YAF2: variants seen among roughly 807,000 people sequenced by gnomAD.
The protein encoded by YAF2 is YY1-associated factor 2.
Under a neutral mutation model 20.1 loss-of-function variants are expected in YAF2, and 7 were observed. The observed-to-expected ratio is 0.35, with a 90% CI of 0.20 to 0.65. The LOEUF (loss-of-function observed/expected upper bound fraction) is 0.65, where lower values mean the gene tolerates loss of function less well. Ranked by LOEUF, YAF2 falls within the 30% of genes least tolerant of loss-of-function variation. YAF2 has a pLI of 0.69. For missense variants in YAF2, 151 were observed against 219.2 expected, an observed-to-expected ratio of 0.69 and a Z score of 1.96; for synonymous variants, 74 against 76.0, an observed-to-expected ratio of 0.97 and a Z score of 0.14.
At chr12:42,164,642 A>G (rs1038919775) in intron 2 of YAF2, among the ~76,000 whole-genome samples, 5 of 152,130 alleles carry the variant, frequency 3.3e-5, no homozygotes, top group African/African-American at 9.7e-5. Flanking sequence ...ACCAAAATAT[A>G]TGGTAAATTG....
intron 2 of YAF2, among the ~76,000 whole-genome samples, chr12:42,181,382 CA>C (rs1341861350): frequency 6.6e-6 from 1 of 152,192 alleles, no homozygotes; most frequent in Admixed American, 6.5e-5. Context: ...GAGTCATAGT[CA>C]GGCAGTAGTA....
At position 42,177,594 on chromosome 12, in the gene YAF2, C is replaced by T. The variant is rs1234279654; in HGVS notation, c.153-15829G>A. 1.1e-4 allele frequency among the ~76,000 whole-genome samples: 16 copies of T among 152,162 alleles called. 1 individual carries two copies. The highest frequency in any genetic ancestry group is 1.0e-3 in the Admixed American group (16 of 15,264). On this transcript the variant is annotated intron_variant, in intron 2 of 3. Coordinates refer to ENST00000534854, the MANE Select transcript of YAF2 (RefSeq NM_005748.6). ...CTCCTACCAGCCTTATCTCCAAATA[C>T]AGTCACATAGGGGGTGAGGGCTTCA...
At chr12:42,183,813 G>T (rs1266399434) in intron 2 of YAF2, among the ~76,000 whole-genome samples, 1 of 152,198 alleles carries the variant, frequency 6.6e-6, no homozygotes, top group East Asian at 1.9e-4. Context: ...GAAAGAAGAT[G>T]CCATCTAGGA....
At chr12:42,218,185 A>AAACACACACAC (rs1555162626) in intron 2 of YAF2, among the ~76,000 whole-genome samples, 49 of 140,690 alleles carry the variant, frequency 3.5e-4, no homozygotes, top group South Asian at 3.3e-3. Flanking sequence ...GCTACTAGGA[A>AAACACACACAC]ACACACACAC....
At position 42,160,424 on chromosome 12, in the gene YAF2, A is replaced by C; in HGVS notation, c.*165T>G. On this transcript the variant is annotated 3_prime_UTR_variant, in exon 4 of 4. Coordinates refer to ENST00000534854, the MANE Select transcript of YAF2 (RefSeq NM_005748.6). ...AGTCTGGAAATGTTTGGTAGGCATC[A>C]TTGCAATAAAATCTAACAAATTCTA... 1.6e-6 allele frequency: 1 copy of C among 609,546 alleles called. No individual in the cohort carries two copies. Among genetic ancestry groups the C allele is most frequent in the Non-Finnish European group, 2.8e-6 (1 of 354,196 alleles). 37.8% of individuals were successfully genotyped at this position (609,546 alleles called of 1,614,324 possible). A position where few individuals can be genotyped will look rare whatever the true frequency, so the allele number is the denominator to read the frequency against.
chr12:42,226,875 G>A (rs1227341384), intron 2 of YAF2, among the ~76,000 whole-genome samples: 3 of 150,450 alleles, frequency 2.0e-5, no homozygotes, highest in African/African-American at 7.3e-5. Context: ...GGCCCCAGAA[G>A]GCTCGAAGGC....
rs138318045 is a variant in YAF2, at chr12:42,194,874, T to C, written c.153-33109A>G. The stretch of plus-strand genomic sequence containing the variant: ...TTGAGATGTCTAGAAGACACACAAA[T>C]GAAGCTGTGTAACTCTCTAATAGTT... On this transcript the variant is annotated intron_variant, in intron 2 of 3. Transcript: ENST00000534854. Among the ~76,000 whole-genome samples the C allele has an allele frequency of 6.2e-3, 949 of 152,288 alleles. 7 individuals carry two copies. The highest frequency in any genetic ancestry group is 0.022 in the African/African-American group (895 of 41,548).
chr12:42,173,881 C>T lies in YAF2; in HGVS notation c.153-12116G>A, dbSNP rs993010079. On this transcript the variant is annotated intron_variant, in intron 2 of 3. Coordinates refer to ENST00000534854, the MANE Select transcript of YAF2 (RefSeq NM_005748.6). ...TCTCACAGAGAAAAGAGAAGCTATTCGATTAGAATGTCCACAGCCTTCCAT... is the reference window on the plus strand; with the variant it reads ...TCTCACAGAGAAAAGAGAAGCTATTTGATTAGAATGTCCACAGCCTTCCAT... 6.6e-5 allele frequency among the ~76,000 whole-genome samples: 10 copies of T among 152,052 alleles called. 2 individuals are homozygous for T. Among genetic ancestry groups the T allele is most frequent in the South Asian group, 6.2e-4 (3 of 4,824 alleles).
chr12:42,233,678 A>T (rs950953003), intron 2 of YAF2: 4 of 757,594 alleles, frequency 5.3e-6, no homozygotes, highest in Non-Finnish European at 1.6e-6. Flanking sequence ...CACCCAGCTA[A>T]TTTTTTTAAT....
rs78765945 is a variant in YAF2 at position 42,204,836 on chromosome 12, A to G, written c.152+32763T>C. Among the ~76,000 whole-genome samples, 1,256 of 152,334 alleles carry G rather than the reference A, an allele frequency of 8.2e-3. 18 individuals are homozygous for G. Among genetic ancestry groups the G allele is most frequent in the African/African-American group, 0.029 (1,189 of 41,584 alleles). On this transcript the variant is annotated intron_variant, in intron 2 of 3. Coordinates refer to ENST00000534854, the MANE Select transcript of YAF2 (RefSeq NM_005748.6). ...CAATCCCTCCCAAAACACATGTTGT[A>G]TAATTCCATTTTATGAACTGTCCAG...
intron 2 of YAF2, chr12:42,232,503 AAAAC>A (rs2137424379): frequency 3.0e-6 from 3 of 985,444 alleles, no homozygotes; most frequent in Admixed American, 6.1e-5. Context: ...TACAGGACAA[AAAAC>A]AAACAAGTAA....
chr12:42,171,461 A>T lies in YAF2; in HGVS notation c.153-9696T>A, dbSNP rs539620066. ...ACTATGATCATACCTCTGAATAGCCACTGGCATTTCAGACTGGGCAACGTG... is the reference window on the plus strand; with the variant it reads ...ACTATGATCATACCTCTGAATAGCCTCTGGCATTTCAGACTGGGCAACGTG... On this transcript the variant is annotated intron_variant, in intron 2 of 3. Coordinates refer to ENST00000534854, the MANE Select transcript of YAF2 (RefSeq NM_005748.6). Among the ~76,000 whole-genome samples the T allele has an allele frequency of 2.0e-5, 3 of 152,204 alleles. No individual in the cohort carries two copies. In the South Asian group the frequency reaches 6.2e-4, roughly 32 times the overall value.
rs148716768 is a variant in YAF2, at chr12:42,172,637, G to A, written c.153-10872C>T. Among the ~76,000 whole-genome samples the A allele has an allele frequency of 5.8e-3, 890 of 152,288 alleles. 18 individuals are homozygous for A. The highest frequency in any genetic ancestry group is 0.029 in the East Asian group (151 of 5,186). On this transcript the variant is annotated intron_variant, in intron 2 of 3. Transcript: ENST00000534854. ...GTCTGCACAGGAGTGAATAAATCAA[G>A]TACATACCCAAGAGAAATGAAAACA... is the stretch of plus-strand genomic sequence containing the variant.
chr12:42,180,406 C>A (rs1479323147), intron 2 of YAF2, among the ~76,000 whole-genome samples: 1 of 152,160 alleles, frequency 6.6e-6, no homozygotes, highest in East Asian at 1.9e-4. Context: ...CTGAGGTCAA[C>A]AGCCACCTGA....
At chr12:42,210,094 G>A (rs539010122) in intron 2 of YAF2, among the ~76,000 whole-genome samples, 38 of 152,050 alleles carry the variant, frequency 2.5e-4, no homozygotes, top group Non-Finnish European at 4.3e-4. Flanking sequence ...CAGCAAGCCC[G>A]GCCAACTAAA....
rs774838790 is a variant in YAF2 at position 42,160,823 on chromosome 12, T to G, written c.309A>C (p.Pro103=). 21 of 1,593,460 alleles carry G rather than the reference T, an allele frequency of 1.3e-5. 1 individual carries two copies. The South Asian group carries it at 2.4e-4, about 18-fold the overall frequency. The change falls in exon 4 of 4, where the codon CCA becomes CCC. Residue 103 remains proline (P), a synonymous_variant. Coordinates refer to ENST00000534854, the MANE Select transcript of YAF2 (RefSeq NM_005748.6). ...SKKNSHKKTR[P]RLKNVDRSSA... is the part of the protein sequence containing the mutation. ...TACTCCGATCCACATTTTTCAATCT[T>G]GGCCTAAACATAAAAAAATGAAATT... is the stretch of plus-strand genomic sequence containing the variant.
At chr12:42,206,007 G>C (rs2067030274) in intron 2 of YAF2, 1 of 242,662 alleles carries the variant, frequency 4.1e-6, no homozygotes, top group Admixed American at 4.9e-5. Flanking sequence ...ACTCCAATTA[G>C]ACCTATATTG....
intron 2 of YAF2, among the ~76,000 whole-genome samples, chr12:42,180,444 T>C (rs1249311565): frequency 6.6e-6 from 1 of 152,162 alleles, no homozygotes; most frequent in East Asian, 1.9e-4. Flanking sequence ...TGATTCCTCC[T>C]GTCGGGACCC....
intron 2 of YAF2, among the ~76,000 whole-genome samples, chr12:42,215,151 A>G (rs1225991511): frequency 6.6e-6 from 1 of 152,252 alleles, no homozygotes; most frequent in Non-Finnish European, 1.5e-5. Flanking sequence ...TTTGAAATTC[A>G]TAAGCCACTC....
Sources: gnomAD v4.1 joint callset for allele counts (sites outside exome capture counted in the v4.1 genomes callset) on GRCh38, gnomAD v4.1.1 for gene constraint, MANE v1.5 for transcripts, NCBI Gene and HGNC (gene_info 2026-07-23, HGNC 2026-07-21) for gene names.